The following NRG1 variants were observed in gnomAD, a reference collection of about 807,000 sequenced individuals.
NRG1 encodes the protein neuregulin 1.
NRG1 carries 18 observed loss-of-function variants against 63.8 expected under a neutral mutation model. The observed-to-expected ratio is 0.28, with a 90% CI of 0.19 to 0.42. NRG1 has a LOEUF of 0.42. NRG1 is among the 10% of genes least tolerant of loss of function. NRG1 has a pLI of 1.00. For missense variants in NRG1, 762 were observed against 814.7 expected, an observed-to-expected ratio of 0.94 and a Z score of 0.79; for synonymous variants, 302 against 301.3, an observed-to-expected ratio of 1.00 and a Z score of -0.02.
intron 1 of NRG1, among the ~76,000 whole-genome samples, chr8:32,149,213 GAGA>G (rs1401464816): frequency 1.3e-5 from 2 of 152,222 alleles, no homozygotes; most frequent in African/African-American, 2.4e-5. Flanking sequence ...AGGAATTACA[GAGA>G]AGAAGATAAG....
At chr8:32,369,140 A>G (rs1035618736) in intron 1 of NRG1, among the ~76,000 whole-genome samples, 6 of 152,336 alleles carry the variant, frequency 3.9e-5, no homozygotes, top group Non-Finnish European at 7.3e-5. Flanking sequence ...AGTTTCAGTC[A>G]ACTTGGAGGC....
At chr8:31,995,099 G>C (rs1171729903) in intron 1 of NRG1, among the ~76,000 whole-genome samples, 1 of 151,820 alleles carries the variant, frequency 6.6e-6, no homozygotes, top group Non-Finnish European at 1.5e-5. Context: ...CATGTAAGGG[G>C]ACTATCTTAC....
chr8:32,616,205 CT>C (rs1403297157), intron 4 of NRG1, among the ~76,000 whole-genome samples: 3 of 151,220 alleles, frequency 2.0e-5, no homozygotes, highest in East Asian at 3.9e-4. Flanking sequence ...ACTGTTTTTT[CT>C]TCTTTTATCT....
At chr8:32,016,168 A>G (rs919875011) in intron 1 of NRG1, among the ~76,000 whole-genome samples, 3 of 152,176 alleles carry the variant, frequency 2.0e-5, no homozygotes, top group Non-Finnish European at 4.4e-5. Flanking sequence ...TCAGGTATAA[A>G]TAAATCTCTC....
At chr8:31,976,109 TTTA>T (rs1205298303) in intron 1 of NRG1, among the ~76,000 whole-genome samples, 1 of 152,182 alleles carries the variant, frequency 6.6e-6, no homozygotes, top group Non-Finnish European at 1.5e-5. Context: ...CACAACATAA[TTTA>T]TTATGTGTTG....
At chr8:32,025,944 TAAA>T (rs71208160) in intron 1 of NRG1, among the ~76,000 whole-genome samples, 1 of 113,444 alleles carries the variant, frequency 8.8e-6, no homozygotes. Flanking sequence ...AGACTCCGTC[TAAA>T]AAAAAAAAAA....
intron 1 of NRG1, among the ~76,000 whole-genome samples, chr8:32,177,660 T>C (rs1172960270): frequency 1.3e-5 from 2 of 151,898 alleles, no homozygotes; most frequent in African/African-American, 4.8e-5. Context: ...TTTCTGTTCC[T>C]ATGTTAGTTT....
chr8:31,960,847 A>C (rs1317710415), intron 1 of NRG1, among the ~76,000 whole-genome samples: 1 of 152,256 alleles, frequency 6.6e-6, no homozygotes, highest in Admixed American at 6.5e-5. Flanking sequence ...TAAGCAATAC[A>C]TTAAGATTTA....
chr8:31,685,347 G>C lies in NRG1; in HGVS notation c.37+45916G>C, dbSNP rs116594422. Among the ~76,000 whole-genome samples, 469 of 152,234 alleles carry C rather than the reference G, an allele frequency of 3.1e-3. 3 individuals are homozygous for C. The highest frequency in any genetic ancestry group is 0.011 in the African/African-American group (451 of 41,544). The stretch of plus-strand genomic sequence containing the variant: ...TACTTGAAGTATTTATAGTGGAATA[G>C]GCAGATGTTTTTATAAAAAGGAAAT... On this transcript the variant is annotated intron_variant, in intron 1 of 10. Transcript: ENST00000519301.
intron 1 of NRG1, among the ~76,000 whole-genome samples, chr8:32,474,665 G>T (rs1048714200): frequency 1.3e-5 from 2 of 151,446 alleles, no homozygotes; most frequent in African/African-American, 4.9e-5. Context: ...GCTAATTTTT[G>T]TGTGTGTGTG....
At chr8:32,334,057 C>T (rs1802960316) in intron 1 of NRG1, among the ~76,000 whole-genome samples, 1 of 152,202 alleles carries the variant, frequency 6.6e-6, no homozygotes, top group Admixed American at 6.5e-5. Context: ...AACTTGCATC[C>T]ATTTGATCCC....
At chr8:31,767,192 C>T (rs985854587) in intron 1 of NRG1, among the ~76,000 whole-genome samples, 1 of 152,122 alleles carries the variant, frequency 6.6e-6, no homozygotes, top group African/African-American at 2.4e-5. Context: ...CCATTATTAG[C>T]AGGCTGTGCC....
intron 1 of NRG1, among the ~76,000 whole-genome samples, chr8:32,075,486 A>AC (rs994808621): frequency 2.6e-5 from 4 of 152,166 alleles, no homozygotes; most frequent in Non-Finnish European, 5.9e-5. Flanking sequence ...GTATTCCAGA[A>AC]CCCCCATGGA....
intron 1 of NRG1, among the ~76,000 whole-genome samples, chr8:31,991,933 G>T (rs1024567837): frequency 6.6e-6 from 1 of 151,836 alleles, no homozygotes; most frequent in African/African-American, 2.4e-5. Flanking sequence ...TTTCCCTGTA[G>T]AACCTGATAG....
chr8:32,532,725 G>A (rs1185156346), intron 1 of NRG1, among the ~76,000 whole-genome samples: 4 of 151,900 alleles, frequency 2.6e-5, no homozygotes. Flanking sequence ...ATTTCATGGA[G>A]ATTTGTTTTT....
rs564711118 is a variant in NRG1 at position 32,141,650 on chromosome 8, T to A, written c.38-454178T>A. ...TATATGAATGATGCATGGAGAGATA[T>A]CTCTCCATGCATCCAAAATATTCAC... On this transcript the variant is annotated intron_variant, in intron 1 of 10. Coordinates refer to the NRG1 transcript ENST00000519301. Among the ~76,000 whole-genome samples the A allele has an allele frequency of 5.0e-4, 69 of 138,160 alleles. 1 individual carries two copies. The highest frequency in any genetic ancestry group is 8.6e-4 in the East Asian group (4 of 4,646). 90.6% of individuals were successfully genotyped at this position (138,160 alleles called of 152,430 possible). A position where few individuals can be genotyped will look rare whatever the true frequency, so the allele number is the denominator to read the frequency against.
intron 1 of NRG1, among the ~76,000 whole-genome samples, chr8:31,899,702 A>T (rs972483330): frequency 6.6e-6 from 1 of 152,214 alleles, no homozygotes; most frequent in African/African-American, 2.4e-5. Context: ...TTCCAAGGTT[A>T]AATTTGAGTT....
intron 1 of NRG1, among the ~76,000 whole-genome samples, chr8:32,279,166 G>A (rs1316564970): frequency 6.6e-6 from 1 of 152,154 alleles, no homozygotes; most frequent in East Asian, 1.9e-4. Context: ...TTTATGTTGT[G>A]ATGATAAACA....
chr8:31,916,458 G>A (rs1833397600), intron 1 of NRG1, among the ~76,000 whole-genome samples: 1 of 151,974 alleles, frequency 6.6e-6, no homozygotes, highest in South Asian at 2.1e-4. Flanking sequence ...TGCGGTGTTT[G>A]GTTTTTTGTT....
Sources: allele counts gnomAD v4.1 joint callset (sites outside exome capture counted in the v4.1 genomes callset), GRCh38; gene constraint gnomAD v4.1.1; transcripts MANE v1.5; gene names NCBI Gene and HGNC (gene_info 2026-07-23, HGNC 2026-07-21).